ERCC6: variants seen among roughly 807,000 people sequenced by gnomAD.
ERCC6 encodes the protein ERCC excision repair 6, chromatin remodeling factor.
ERCC6 carries 116 observed loss-of-function variants against 158.7 expected under a neutral mutation model. That is an observed-to-expected ratio of 0.73 (90% confidence interval 0.63 to 0.85). The LOEUF is 0.85. ERCC6 is among the 40% of genes least tolerant of loss of function. The pLI is 0.00. For missense variants in ERCC6, 1,698 were observed against 1,799.4 expected (o/e 0.94, Z 1.02); for synonymous variants, 678 against 659.3 (o/e 1.03, Z -0.43).
intron 5 of ERCC6, among the ~76,000 whole-genome samples, chr10:49,514,000 A>G (rs139446199): frequency 6.6e-6 from 1 of 152,166 alleles, no homozygotes; most frequent in African/African-American, 2.4e-5. Flanking sequence ...TGTCTTCAAA[A>G]AAGTATTTTC....
At chr10:49,497,023 C>T (rs1851278226) in intron 7 of ERCC6, among the ~76,000 whole-genome samples, 1 of 152,166 alleles carries the variant, frequency 6.6e-6, no homozygotes, top group African/African-American at 2.4e-5. Context: ...CTTTGAAACC[C>T]TCCCTGCCTC....
intron 7 of ERCC6, 88 bp from the exon 8 acceptor site, chr10:49,493,340 A>G (rs1851209978): frequency 1.3e-6 from 2 of 1,514,438 alleles, no homozygotes; most frequent in Non-Finnish European, 1.8e-6. Flanking sequence ...ACAACAAACA[A>G]AAAACTTAGT....
intron 18 of ERCC6, among the ~76,000 whole-genome samples, chr10:49,465,016 C>T (rs779112067): frequency 2.0e-5 from 3 of 152,170 alleles, no homozygotes; most frequent in Non-Finnish European, 2.9e-5. Context: ...GTCCTCCAGA[C>T]CCCAGAACAG....
chr10:49,514,753 G>A (rs184989808), intron 5 of ERCC6, among the ~76,000 whole-genome samples: 2 of 152,276 alleles, frequency 1.3e-5, no homozygotes, highest in East Asian at 3.9e-4. Context: ...ATATATTCAG[G>A]CACCAAGCTG....
chr10:49,479,848 A>C (rs1275785580), intron 10 of ERCC6, among the ~76,000 whole-genome samples: 1 of 152,150 alleles, frequency 6.6e-6, no homozygotes, highest in African/African-American at 2.4e-5. Context: ...ACTGGCTCCC[A>C]GTCTGTTCCT....
chr10:49,505,640 G>A (rs1434081219), intron 6 of ERCC6: 2 of 467,186 alleles, frequency 4.3e-6, no homozygotes, highest in Non-Finnish European at 7.6e-6. Flanking sequence ...TTAGTCTGCT[G>A]AGGCAGGTCC....
At position 49,476,279 on chromosome 10, in the gene ERCC6, T is replaced by C. The variant is rs1284362109; in HGVS notation, c.2318A>G (p.His773Arg). The C allele has an allele frequency of 1.9e-6, 3 of 1,613,918 alleles. No individual in the cohort carries two copies. The highest frequency in any genetic ancestry group is 2.5e-6 in the Non-Finnish European group (3 of 1,179,892). ...ATCAACGAAATTTTGGTAGACTTTA[T>C]GCTGCTCATCTGTAAGACGGCAAAA... ...VLFCRLTDEQ[H>R]KVYQNFVDSK... The change falls in exon 12 of 21, where the codon CAT becomes CGT. Residue 773 changes from histidine to arginine, a missense_variant. Physicochemically the swap from His to Arg is conservative, Grantham distance 29. Transcript: ENST00000355832.
chr10:49,442,476 A>G, the ERCC6 span, among the ~76,000 whole-genome samples: 1 of 152,252 alleles, frequency 6.6e-6, no homozygotes, highest in Non-Finnish European at 1.5e-5. Flanking sequence ...CTCCCAAAGA[A>G]GCAGAAAGTT....
Position 49,530,705 on chromosome 10 carries a change from G to T in ERCC6, c.543+15C>A. On this transcript the variant is annotated intron_variant, in intron 3 of 20. Coordinates refer to ENST00000355832, the MANE Select transcript of ERCC6 (RefSeq NM_000124.4). Reference sequence around the variant, plus strand: ...CTTTTTCAAAAATGCAATACTGAATGTTATTCTGAATCACCTTATTATACT... The same window carrying T: ...CTTTTTCAAAAATGCAATACTGAATTTTATTCTGAATCACCTTATTATACT... 6.2e-7 allele frequency: 1 copy of T among 1,611,950 alleles called. No homozygotes were observed. The highest frequency in any genetic ancestry group is 1.1e-5 in the South Asian group (1 of 90,876).
At chr10:49,538,389 G>C (rs1488402612) in intron 1 of ERCC6, among the ~76,000 whole-genome samples, 1 of 152,220 alleles carries the variant, frequency 6.6e-6, no homozygotes, top group African/African-American at 2.4e-5. Context: ...TTATGCCAGA[G>C]ACCACCTGGA....
At chr10:49,472,590 G>A (rs1850800527) in intron 15 of ERCC6, 120 bp from the exon 16 acceptor site, 1 of 1,032,510 alleles carries the variant, frequency 9.7e-7, no homozygotes, top group African/African-American at 1.6e-5. Context: ...TTTGACTCAT[G>A]ACGTCAAGTA....
downstream of ERCC6, among the ~76,000 whole-genome samples, chr10:49,451,337 T>C (rs187431479): frequency 1.3e-5 from 2 of 152,168 alleles, 1 homozygote; most frequent in South Asian, 4.1e-4. Flanking sequence ...AGTGTGATAA[T>C]GGGCATCCTT....
chr10:49,515,993 T>C, intron 5 of ERCC6: 3 of 1,614,210 alleles, frequency 1.9e-6, no homozygotes, highest in Non-Finnish European at 2.5e-6. Flanking sequence ...CCTTTCTCAC[T>C]GTACCTGTTG....
At chr10:49,473,053 A>G (rs558724897) in intron 14 of ERCC6, 25 bp from the exon 15 acceptor site, 2 of 1,613,946 alleles carry the variant, frequency 1.2e-6, no homozygotes, top group Non-Finnish European at 1.7e-6. Context: ...CACAACACTG[A>G]GCACACACAC....
intron 13 of ERCC6, among the ~76,000 whole-genome samples, 158 bp from the exon 14 acceptor site, chr10:49,473,745 T>C (rs563403531): frequency 1.1e-4 from 16 of 152,238 alleles, no homozygotes; most frequent in Non-Finnish European, 2.4e-4. Context: ...AAGAGTATTT[T>C]TGGTATTTCC....
the ERCC6 span, among the ~76,000 whole-genome samples, chr10:49,441,258 T>A: frequency 6.6e-6 from 1 of 152,216 alleles, no homozygotes; most frequent in African/African-American, 2.4e-5. Context: ...TCAAAGTAAG[T>A]CACTGAGGCA....
chr10:49,479,675 C>T (rs7909342), intron 10 of ERCC6, among the ~76,000 whole-genome samples: 15,150 of 152,142 alleles, frequency 0.1, 1,115 homozygotes, highest in East Asian at 0.38. Context: ...GAAAACTGCC[C>T]CCACATCCTC....
chr10:49,534,877 A>T (rs1010639780), intron 1 of ERCC6, among the ~76,000 whole-genome samples: 1 of 152,112 alleles, frequency 6.6e-6, no homozygotes, highest in African/African-American at 2.4e-5. Context: ...AAGCACCGGG[A>T]TACAAAGAAT....
Position 49,460,444 on chromosome 10 carries a change from A to T in ERCC6, c.3991T>A (p.Phe1331Ile). ...AAGTTAGAATTCCTTTTCTTACCAAATCTACTCCTAAAAAAGGAAAAGCAT... is the reference window on the plus strand; with the variant it reads ...AAGTTAGAATTCCTTTTCTTACCAATTCTACTCCTAAAAAAGGAAAAGCAT... ...SGAPAGKKSRFGKKRNSNFSV... is the reference protein window; with the variant it reads ...SGAPAGKKSRIGKKRNSNFSV... The change falls in exon 20 of 21, where the codon TTT (phenylalanine) becomes ATT (isoleucine). Residue 1331 changes from phenylalanine to isoleucine, a missense_variant. Coordinates refer to ENST00000355832, the MANE Select transcript of ERCC6 (RefSeq NM_000124.4). The T allele has an allele frequency of 6.2e-7, 1 of 1,610,602 alleles. No individual in the cohort carries two copies. The highest frequency in any genetic ancestry group is 8.5e-7 in the Non-Finnish European group (1 of 1,176,836).
Sources: allele counts gnomAD v4.1 joint callset (sites outside exome capture counted in the v4.1 genomes callset), GRCh38; gene constraint gnomAD v4.1.1; transcripts MANE v1.5; gene names NCBI Gene and HGNC (gene_info 2026-07-23, HGNC 2026-07-21).